Variants in SLC25A40 observed in about 807,000 individuals in gnomAD.
The protein encoded by SLC25A40 is solute carrier family 25 member 40.
In SLC25A40, 41 loss-of-function variants were observed where a neutral mutation model predicts 46.5. That is an observed-to-expected ratio of 0.88 (90% CI 0.69 to 1.14). SLC25A40 has a LOEUF of 1.14. SLC25A40 is among the 50% of genes most tolerant of loss of function. The pLI, the probability that SLC25A40 is intolerant of heterozygous loss-of-function variation, is 0.00. For missense variants in SLC25A40, 386 were observed against 393.6 expected (o/e 0.98, Z 0.16); for synonymous variants, 126 against 127.5 (o/e 0.99, Z 0.08).
intron 1 of SLC25A40, among the ~76,000 whole-genome samples, chr7:87,862,557 T>C (rs1370731821): frequency 6.6e-6 from 1 of 152,212 alleles, no homozygotes; most frequent in Non-Finnish European, 1.5e-5. Context: ...TAAAGTAACT[T>C]ACATTTAAGC....
chr7:87,861,139 T>C (rs952639023), intron 1 of SLC25A40, among the ~76,000 whole-genome samples: 1 of 152,182 alleles, frequency 6.6e-6, no homozygotes, highest in Non-Finnish European at 1.5e-5. Context: ...GGATGCCACA[T>C]AACAGTAGAA....
rs777954740 is a variant in SLC25A40 at position 87,846,950 on chromosome 7, T to G, written c.630A>C (p.Ser210=). The change falls in exon 8 of 12, where the codon TCA becomes TCC. Residue 210 remains serine, a splice_region_variant and synonymous_variant. Transcript: ENST00000341119. The part of the protein sequence containing the change: ...APTVLRDVPF[S]AMYWYNYEIL... ...AGCTACAAATAAGATAAATCCTACCTGAGAAAGGTACATCTCTAAGAACAG... is the reference window on the plus strand; with the variant it reads ...AGCTACAAATAAGATAAATCCTACCGGAGAAAGGTACATCTCTAAGAACAG... 7.5e-6 allele frequency: 12 copies of G among 1,595,890 alleles called. No homozygotes were observed. The Admixed American group carries it at 2.2e-4, about 29-fold the overall frequency.
chr7:87,873,429 C>CTTTTTTT (rs573186397), intron 1 of SLC25A40, among the ~76,000 whole-genome samples: 1 of 125,680 alleles, frequency 8.0e-6, no homozygotes, highest in African/African-American at 3.2e-5. Context: ...GAAAGGTTAA[C>CTTTTTTT]TTTTTTTTTT....
Position 87,849,910 on chromosome 7 carries a change from T to C in SLC25A40, c.303A>G (p.Lys101=). ...FFKIIRNEGI[K]SLWSGLPPTL... is the part of the protein sequence containing the mutation. The stretch of plus-strand genomic sequence containing the variant: ...TAGGAGGAAGGCCACTCCATAGAGA[T>C]TTAATGCCCTCATTTCGAATGATTT... The change falls in exon 6 of 12, where the codon AAA becomes AAG. Residue 101 remains lysine, a synonymous_variant. Coordinates refer to ENST00000341119, the MANE Select transcript of SLC25A40 (RefSeq NM_018843.4). 1 of 1,601,186 alleles carries C rather than the reference T, an allele frequency of 6.2e-7. No individual in the cohort carries two copies. Among genetic ancestry groups the C allele is most frequent in the Non-Finnish European group, 8.5e-7 (1 of 1,174,970 alleles).
intron 10 of SLC25A40, among the ~76,000 whole-genome samples, chr7:87,841,072 G>C (rs1281666658): frequency 6.7e-6 from 1 of 149,454 alleles, no homozygotes; most frequent in African/African-American, 2.5e-5. Context: ...TACAGGTTAT[G>C]AAGAAATAAA....
intron 1 of SLC25A40, among the ~76,000 whole-genome samples, chr7:87,875,893 C>G (rs1839000274): frequency 6.6e-6 from 1 of 152,234 alleles, no homozygotes; most frequent in African/African-American, 2.4e-5. Flanking sequence ...CAGCTGTCCT[C>G]AGCCGGTGGG....
At chr7:87,854,403 G>A (rs1838570192) in intron 4 of SLC25A40, 93 bp from the exon 5 acceptor site, 2 of 689,596 alleles carry the variant, frequency 2.9e-6, no homozygotes, top group Admixed American at 2.8e-5. Flanking sequence ...GAGGAAACTA[G>A]AAAATTACGA....
intron 1 of SLC25A40, among the ~76,000 whole-genome samples, chr7:87,864,212 T>A (rs1038742739): frequency 2.6e-5 from 4 of 152,224 alleles, no homozygotes; most frequent in African/African-American, 4.8e-5. Context: ...AGGACTATTT[T>A]AAAAATTTAA....
At chr7:87,863,251 A>C (rs538310810) in intron 1 of SLC25A40, among the ~76,000 whole-genome samples, 1 of 152,314 alleles carries the variant, frequency 6.6e-6, no homozygotes, top group South Asian at 2.1e-4. Flanking sequence ...CTTAAATTGT[A>C]GTTCCCATAA....
At chr7:87,847,747 A>G in intron 7 of SLC25A40, 106 bp downstream of exon 7, 1 of 1,106,644 alleles carries the variant, frequency 9.0e-7, no homozygotes, top group East Asian at 2.9e-5. Context: ...AATGCAAAAT[A>G]TATCATACTA....
chr7:87,850,533 G>C (rs1437163234), intron 5 of SLC25A40, among the ~76,000 whole-genome samples: 3 of 152,180 alleles, frequency 2.0e-5, no homozygotes, highest in Non-Finnish European at 4.4e-5. Context: ...CCAGCACTTT[G>C]GAAGGCAGGA....
chr7:87,838,038 T>C (rs1838281425), intron 10 of SLC25A40, among the ~76,000 whole-genome samples: 1 of 151,524 alleles, frequency 6.6e-6, no homozygotes, highest in Admixed American at 6.6e-5. Flanking sequence ...ATTTCATTTA[T>C]ATAAAATATC....
chr7:87,875,562 T>G (rs1264886739), intron 1 of SLC25A40, among the ~76,000 whole-genome samples: 1 of 151,520 alleles, frequency 6.6e-6, no homozygotes. Context: ...TTTTTTTTTT[T>G]GGAGAGGCAT....
intron 7 of SLC25A40, 56 bp from the exon 8 acceptor site, chr7:87,847,178 A>T (rs1838434636): frequency 1.6e-6 from 2 of 1,229,336 alleles, no homozygotes; most frequent in Admixed American, 5.4e-5. Flanking sequence ...TACTATGCAA[A>T]CACATATACT....
intron 5 of SLC25A40, among the ~76,000 whole-genome samples, chr7:87,851,127 C>A (rs1234341005): frequency 1.3e-5 from 2 of 152,120 alleles, no homozygotes; most frequent in Non-Finnish European, 2.9e-5. Context: ...CATGTTCACA[C>A]AGAAACATGA....
Position 87,851,510 on chromosome 7 carries a change from C to T in SLC25A40, c.265-1562G>A, listed in dbSNP as rs530469849. 2.0e-5 allele frequency among the ~76,000 whole-genome samples: 3 copies of T among 152,192 alleles called. No individual in the cohort carries two copies. The East Asian group carries it at 5.8e-4, about 29-fold the overall frequency. On this transcript the variant is annotated intron_variant, in intron 5 of 11. Coordinates refer to ENST00000341119, the MANE Select transcript of SLC25A40 (RefSeq NM_018843.4). The stretch of plus-strand genomic sequence containing the variant: ...GGCTGACAGAAGGTCAATAAGGAAC[C>T]AAGATTTTTACCCCTACCAGGTCAG...
chr7:87,861,240 A>G (rs1562748405), intron 1 of SLC25A40, among the ~76,000 whole-genome samples: 1 of 152,212 alleles, frequency 6.6e-6, no homozygotes, highest in Non-Finnish European at 1.5e-5. Flanking sequence ...AAACTGTTCT[A>G]GATTAAAAGG....
intron 7 of SLC25A40, 149 bp downstream of exon 7, chr7:87,847,704 C>T (rs910684536): frequency 1.6e-5 from 11 of 704,980 alleles, no homozygotes; most frequent in Non-Finnish European, 2.3e-5. Context: ...TTCTGGAGTA[C>T]CTATACTATA....
At chr7:87,837,605 A>G (rs764748757) in intron 10 of SLC25A40, among the ~76,000 whole-genome samples, 2 of 151,376 alleles carry the variant, frequency 1.3e-5, no homozygotes, top group Non-Finnish European at 3.0e-5. Flanking sequence ...ACTGAAGTAT[A>G]AACATAAAGC....
Sources: gnomAD v4.1 joint callset for allele counts (sites outside exome capture counted in the v4.1 genomes callset) on GRCh38, gnomAD v4.1.1 for gene constraint, MANE v1.5 for transcripts, NCBI Gene and HGNC (gene_info 2026-07-23, HGNC 2026-07-21) for gene names.